PTGFR: variants seen among roughly 807,000 people sequenced by gnomAD.
PTGFR encodes prostaglandin F2-alpha receptor.
A neutral mutation model predicts 26.2 loss-of-function variants in PTGFR; 15 were observed. That is an observed-to-expected ratio of 0.57 (90% CI 0.38 to 0.88). PTGFR has a LOEUF of 0.88. Among genes scored for constraint, PTGFR ranks in the 40% least tolerant of loss-of-function variants. The probability of loss-of-function intolerance (pLI) is 0.00; values close to 1 mark genes in which losing one functional copy is unlikely to be tolerated. For missense variants in PTGFR, 369 were observed against 427.2 expected, an observed-to-expected ratio of 0.86 and a Z score of 1.20; for synonymous variants, 165 against 151.1, an observed-to-expected ratio of 1.09 and a Z score of -0.68.
chr1:78,501,102 C>T (rs968392203), intron 2 of PTGFR, among the ~76,000 whole-genome samples: 15 of 151,542 alleles, frequency 9.9e-5, no homozygotes, highest in Non-Finnish European at 1.5e-4. Flanking sequence ...TAAGTGTAAA[C>T]GAATCAGAAA....
intron 2 of PTGFR, among the ~76,000 whole-genome samples, chr1:78,533,728 A>T (rs1041177582): frequency 6.6e-6 from 1 of 152,214 alleles, no homozygotes; most frequent in Non-Finnish European, 1.5e-5. Flanking sequence ...TCTGGCCAAC[A>T]GATGTACAGA....
intron 1 of PTGFR, among the ~76,000 whole-genome samples, chr1:78,491,750 T>C (rs1027180100): frequency 2.0e-5 from 3 of 152,124 alleles, no homozygotes; most frequent in Admixed American, 2.0e-4. Flanking sequence ...CCTAGGCAGT[T>C]CCACTCGGGC....
At chr1:78,525,806 A>G (rs1650356907) in intron 2 of PTGFR, among the ~76,000 whole-genome samples, 1 of 152,056 alleles carries the variant, frequency 6.6e-6, no homozygotes, top group African/African-American at 2.4e-5. Context: ...ACTAATAAAG[A>G]TACTCCTATC....
intron 2 of PTGFR, among the ~76,000 whole-genome samples, chr1:78,504,964 CTT>C (rs879613804): frequency 3.3e-5 from 5 of 152,000 alleles, no homozygotes; most frequent in South Asian, 2.1e-4. Flanking sequence ...TTTATTTAGA[CTT>C]GAGTACAATT....
chr1:78,503,791 C>T (rs1360420838), intron 2 of PTGFR, among the ~76,000 whole-genome samples: 1 of 152,134 alleles, frequency 6.6e-6, no homozygotes. Flanking sequence ...ACTGAAGGAA[C>T]CTCTGATCAC....
rs79267664 is a variant in PTGFR at position 78,538,482 on chromosome 1, C to A, written c.*1795C>A. On this transcript the variant is annotated 3_prime_UTR_variant, in exon 3 of 3. Transcript: ENST00000370757. ...GTTATCTGAGTATATGTTTGGGTAA[C>A]CAAATTGGTCTTAAAAATGATGTTA... 1 of 148,576 alleles carries A rather than the reference C, an allele frequency of 6.7e-6. No homozygotes were observed. Among genetic ancestry groups the A allele is most frequent in the African/African-American group, 2.5e-5 (1 of 40,156 alleles). The allele number at this position is 148,576 out of a possible 1,614,324, so 9.2% of individuals were successfully genotyped here. A position where few individuals can be genotyped will look rare whatever the true frequency, so the allele number is the denominator to read the frequency against.
intron 2 of PTGFR, among the ~76,000 whole-genome samples, chr1:78,514,836 G>A (rs12725125): frequency 0.13 from 20,186 of 151,972 alleles, 1,782 homozygotes; most frequent in Non-Finnish European, 0.2. Flanking sequence ...TAAGATATCC[G>A]GTTGTTTAAA....
intron 2 of PTGFR, among the ~76,000 whole-genome samples, chr1:78,521,406 G>A (rs1286074888): frequency 6.6e-6 from 1 of 152,034 alleles, no homozygotes; most frequent in Non-Finnish European, 1.5e-5. Context: ...CTGATTGATC[G>A]ATAACAGTGT....
intron 2 of PTGFR, among the ~76,000 whole-genome samples, chr1:78,526,856 T>G (rs1391437253): frequency 6.6e-6 from 1 of 152,076 alleles, no homozygotes; most frequent in Non-Finnish European, 1.5e-5. Context: ...AACACAACTG[T>G]GCTGATCGTA....
intron 2 of PTGFR, among the ~76,000 whole-genome samples, chr1:78,501,851 T>C (rs1041609371): frequency 3.9e-5 from 6 of 152,148 alleles, no homozygotes; most frequent in African/African-American, 7.2e-5. Context: ...AGATGTACTA[T>C]CAGATTAAAT....
At chr1:78,536,363 A>C (rs1650652407) in intron 2 of PTGFR, 43 bp from the exon 3 acceptor site, 2 of 1,553,410 alleles carry the variant, frequency 1.3e-6, no homozygotes, top group South Asian at 2.5e-5. Context: ...TATAGGATTG[A>C]AAAGGCTGCA....
At chr1:78,496,692 T>G (rs1210277896) in intron 2 of PTGFR, among the ~76,000 whole-genome samples, 3 of 152,188 alleles carry the variant, frequency 2.0e-5, no homozygotes, top group Admixed American at 1.3e-4. Flanking sequence ...ATGTATAAAT[T>G]GAAATTTATA....
chr1:78,533,899 T>C (rs1650583982), intron 2 of PTGFR, among the ~76,000 whole-genome samples: 1 of 152,210 alleles, frequency 6.6e-6, no homozygotes. Context: ...ATTCATTGTA[T>C]TACCAGCCTA....
chr1:78,506,000 A>G (rs902466679), intron 2 of PTGFR, among the ~76,000 whole-genome samples: 3 of 152,204 alleles, frequency 2.0e-5, no homozygotes, highest in Admixed American at 6.5e-5. Flanking sequence ...TACTATGAAC[A>G]TTTGTGTACA....
intron 2 of PTGFR, among the ~76,000 whole-genome samples, chr1:78,508,746 CA>C (rs938038527): frequency 6.6e-6 from 1 of 152,124 alleles, no homozygotes; most frequent in Non-Finnish European, 1.5e-5. Context: ...CTTCTTAACC[CA>C]GAGGGTCATT....
rs1304354336 is a variant in PTGFR at position 78,539,152 on chromosome 1, T to A, written c.*2465T>A. The A allele has an allele frequency of 2.0e-5, 3 of 151,848 alleles. No individual in the cohort carries two copies. The highest frequency in any genetic ancestry group is 4.8e-5 in the African/African-American group (2 of 41,370). 9.4% of individuals were successfully genotyped at this position (151,848 alleles called of 1,614,324 possible). ...TTAACTAGGTGAAAGAAATGGGCCCTTATTTTTTTTTTTCCCTAGAGGCAG... is the reference window on the plus strand; with the variant it reads ...TTAACTAGGTGAAAGAAATGGGCCCATATTTTTTTTTTTCCCTAGAGGCAG... On this transcript the variant is annotated 3_prime_UTR_variant, in exon 3 of 3. Transcript: ENST00000370757.
chr1:78,498,203 T>G (rs2100352775), intron 2 of PTGFR, among the ~76,000 whole-genome samples: 1 of 152,338 alleles, frequency 6.6e-6, no homozygotes. Context: ...TAGCACATTT[T>G]GACTATTAGT....
At chr1:78,532,394 A>ATG (rs1158788236) in intron 2 of PTGFR, 5 of 140,070 alleles carry the variant, frequency 3.6e-5, no homozygotes, top group South Asian at 2.2e-4. Context: ...ATATATATAT[A>ATG]TATGTATATA....
rs1318266852 is a variant in PTGFR at position 78,538,596 on chromosome 1, T to C, written c.*1909T>C. The C allele has an allele frequency of 6.6e-6, 1 of 152,008 alleles. No individual in the cohort carries two copies. Among genetic ancestry groups the C allele is most frequent in the African/African-American group, 2.4e-5 (1 of 41,406 alleles). The allele number at this position is 152,008 out of a possible 1,614,324, so 9.4% of individuals were successfully genotyped here. ...TTTTCTTCTGAGTAAAACAAAATTA[T>C]AGAAAACAAATGCAACAATGTGCAC... On this transcript the variant is annotated 3_prime_UTR_variant, in exon 3 of 3. Transcript: ENST00000370757.
Sources: allele counts gnomAD v4.1 joint callset (sites outside exome capture counted in the v4.1 genomes callset), GRCh38; gene constraint gnomAD v4.1.1; transcripts MANE v1.5; gene names NCBI Gene and HGNC (gene_info 2026-07-23, HGNC 2026-07-21).